MYCBP2: variants seen among roughly 807,000 people sequenced by gnomAD.
MYCBP2 encodes the protein MYC binding protein 2, also known as E3 ubiquitin-protein ligase MYCBP2.
MYCBP2 carries 120 observed loss-of-function variants against 525.3 expected under a neutral mutation model. The observed-to-expected ratio is 0.23, with a 90% CI of 0.20 to 0.27. The LOEUF is 0.27. MYCBP2 is among the 10% of genes least tolerant of loss of function. The pLI is 1.00. For missense variants in MYCBP2, 4,149 were observed against 5,657.1 expected (o/e 0.73, Z 8.55); for synonymous variants, 1,894 against 1,955.8 (o/e 0.97, Z 0.83).
intron 46 of MYCBP2, among the ~76,000 whole-genome samples, chr13:77,152,820 C>T (rs1053893133): frequency 1.3e-5 from 2 of 152,162 alleles, no homozygotes; most frequent in Non-Finnish European, 2.9e-5. Context: ...AATCCCAGCA[C>T]TTTTGGAGTC....
chr13:77,255,829 G>C (rs2072087432), intron 14 of MYCBP2, among the ~76,000 whole-genome samples: 1 of 152,062 alleles, frequency 6.6e-6, no homozygotes, highest in Non-Finnish European at 1.5e-5. Context: ...ACCAGGTTTT[G>C]TTAATTTATA....
At chr13:77,093,614 T>C (rs550671919) in intron 58 of MYCBP2, among the ~76,000 whole-genome samples, 1 of 152,140 alleles carries the variant, frequency 6.6e-6, no homozygotes, top group Non-Finnish European at 1.5e-5. Flanking sequence ...CCACCAACCA[T>C]CCAGTTGCTT....
chr13:77,087,670 A>G (rs2044564631), intron 61 of MYCBP2, 37 bp from the exon 62 acceptor site: 1 of 1,571,390 alleles, frequency 6.4e-7, no homozygotes, highest in African/African-American at 1.4e-5. Flanking sequence ...CAAGAATAAA[A>G]TACATGAGTT....
At position 77,224,443 on chromosome 13, in the gene MYCBP2, G is replaced by T; in HGVS notation, c.2939+8C>A. 1 of 1,571,434 alleles carries T rather than the reference G, an allele frequency of 6.4e-7. No homozygotes were observed. Among genetic ancestry groups the T allele is most frequent in the South Asian group, 1.2e-5 (1 of 86,128 alleles). Reference sequence around the variant, plus strand: ...CTCTGGATCTTCAAATGAAAAGTTAGCAAGTACCTGGAGTTGACATCTCCA... The same window carrying T: ...CTCTGGATCTTCAAATGAAAAGTTATCAAGTACCTGGAGTTGACATCTCCA... On this transcript the variant is annotated splice_region_variant and intron_variant, in intron 20 of 82. Transcript: ENST00000544440.
rs540650567 is a variant in MYCBP2 at position 77,320,777 on chromosome 13, T to C, written c.302+5697A>G. Among the ~76,000 whole-genome samples, 24 of 152,302 alleles carry C rather than the reference T, an allele frequency of 1.6e-4. No homozygotes were observed. In the East Asian group the frequency reaches 4.2e-3, roughly 27 times the overall value. Reference sequence around the variant, plus strand: ...CCAGCGCCATATACAATATTCTTGCTAAAAAATTTTCTAATGAACACCTAA... The same window carrying C: ...CCAGCGCCATATACAATATTCTTGCCAAAAAATTTTCTAATGAACACCTAA... On this transcript the variant is annotated intron_variant, in intron 1 of 82. Transcript: ENST00000544440.
At chr13:77,315,386 T>C (rs931503345) in intron 1 of MYCBP2, among the ~76,000 whole-genome samples, 2 of 152,202 alleles carry the variant, frequency 1.3e-5, no homozygotes, top group African/African-American at 4.8e-5. Context: ...ATATCCCTCA[T>C]GAATATAAAC....
rs921136809 is a variant in MYCBP2, at chr13:77,227,197, T to C, written c.2738-1643A>G. Among the ~76,000 whole-genome samples, 5 of 152,090 alleles carry C rather than the reference T, an allele frequency of 3.3e-5. No homozygotes were observed. The East Asian group carries it at 9.6e-4, about 29-fold the overall frequency. On this transcript the variant is annotated intron_variant, in intron 18 of 82. Transcript: ENST00000544440. ...GAAGAAATTATTTTGAATTTTTTAC[T>C]CAAAAAAGATCACAAATACTGCATC...
chr13:77,117,948 C>T (rs1038907751), intron 55 of MYCBP2, among the ~76,000 whole-genome samples: 1 of 152,038 alleles, frequency 6.6e-6, no homozygotes, highest in African/African-American at 2.4e-5. Flanking sequence ...ACCGGGAAAA[C>T]TAAATTGTCA....
At chr13:77,245,739 A>C (rs1450718338) in intron 15 of MYCBP2, among the ~76,000 whole-genome samples, 2 of 75,188 alleles carry the variant, frequency 2.7e-5, no homozygotes, top group Non-Finnish European at 5.2e-5. Flanking sequence ...CCCAGAACGT[A>C]AAGTAACACA....
At position 77,164,555 on chromosome 13, in the gene MYCBP2, T is replaced by C. The variant is rs201467354; in HGVS notation, c.6460-14A>G. On this transcript the variant is annotated splice_polypyrimidine_tract_variant and intron_variant, in intron 42 of 82. Coordinates refer to ENST00000544440, the MANE Select transcript of MYCBP2 (RefSeq NM_015057.5). The stretch of plus-strand genomic sequence containing the variant: ...TTGGATGACTCCCTATGGAATTGCA[T>C]AAAATTTGCTGCTTTAAAAATGTTT... 146 of 1,517,140 alleles carry C rather than the reference T, an allele frequency of 9.6e-5. No individual in the cohort carries two copies. The highest frequency in any genetic ancestry group is 3.4e-4 in the Middle Eastern group (2 of 5,882). The allele number at this position is 1,517,140 out of a possible 1,614,324, so 94.0% of individuals were successfully genotyped here.
chr13:77,165,351 A>G lies in MYCBP2; in HGVS notation c.6381T>C (p.Tyr2127=). The G allele has an allele frequency of 6.2e-7, 1 of 1,612,112 alleles. No homozygotes were observed. The highest frequency in any genetic ancestry group is 8.5e-7 in the Non-Finnish European group (1 of 1,179,302). Residue 2127 remains tyrosine, a synonymous_variant, in exon 42 of 83, where the codon TAT becomes TAC. Coordinates refer to ENST00000544440, the MANE Select transcript of MYCBP2 (RefSeq NM_015057.5). ...AGAAAGAAGCTTTGTCATCTTTCAC[A>G]TAATCTGATGCAGTCTCCAATGAAA... ...ALFSLETASD[Y]VKDDKASFYG...
At chr13:77,084,758 TA>T (rs1215169041) in intron 62 of MYCBP2, among the ~76,000 whole-genome samples, 1 of 152,118 alleles carries the variant, frequency 6.6e-6, no homozygotes, top group Admixed American at 6.6e-5. Context: ...TTTCCACTGC[TA>T]GATCCTCCAG....
intron 3 of MYCBP2, among the ~76,000 whole-genome samples, chr13:77,280,469 A>G (rs2076075201): frequency 2.0e-5 from 3 of 152,238 alleles, no homozygotes; most frequent in Admixed American, 2.0e-4. Context: ...ATGGGGCTCT[A>G]TTCTCAAGCC....
chr13:77,249,035 T>G (rs2070629584), intron 15 of MYCBP2, among the ~76,000 whole-genome samples: 1 of 152,218 alleles, frequency 6.6e-6, no homozygotes, highest in South Asian at 2.1e-4. Flanking sequence ...ACTCTGATTC[T>G]CTTTATATGA....
chr13:77,309,067 G>T (rs184800297), intron 1 of MYCBP2, among the ~76,000 whole-genome samples: 1 of 152,176 alleles, frequency 6.6e-6, no homozygotes, highest in Admixed American at 6.5e-5. Flanking sequence ...TCTCCTACAG[G>T]TTATCTAATC....
chr13:77,273,423 TG>T (rs1361529987), intron 5 of MYCBP2, 48 bp downstream of exon 5: 4 of 1,481,158 alleles, frequency 2.7e-6, no homozygotes, highest in Non-Finnish European at 3.6e-6. Flanking sequence ...GAGACGAAAC[TG>T]TAACTTGTCA....
At position 77,205,255 on chromosome 13, in the gene MYCBP2, C is replaced by T; in HGVS notation, c.3843+1G>A. 2 of 1,578,678 alleles carry T rather than the reference C, an allele frequency of 1.3e-6. No homozygotes were observed. The highest frequency in any genetic ancestry group is 1.7e-6 in the Non-Finnish European group (2 of 1,160,674). ...AGGACAACATTGTTGATGAACTTTA[C>T]CTTAATTTTAGCAGTATATTCTCCT... is the stretch of plus-strand genomic sequence containing the variant. On this transcript the variant is annotated splice_donor_variant, in intron 26 of 82. Coordinates refer to ENST00000544440, the MANE Select transcript of MYCBP2 (RefSeq NM_015057.5). LOFTEE classifies it high-confidence loss of function.
chr13:77,261,103 T>C, intron 12 of MYCBP2, 68 bp downstream of exon 12: 1 of 1,283,170 alleles, frequency 7.8e-7, no homozygotes, highest in East Asian at 2.6e-5. Context: ...TTTATCTTAA[T>C]AAAGTTTTAT....
chr13:77,113,293 T>C (rs2049149223), intron 55 of MYCBP2, among the ~76,000 whole-genome samples: 1 of 152,176 alleles, frequency 6.6e-6, no homozygotes, highest in Non-Finnish European at 1.5e-5. Context: ...TTTCCTATGT[T>C]TCCATTGCAT....
Sources: gnomAD v4.1 joint callset for allele counts (sites outside exome capture counted in the v4.1 genomes callset) on GRCh38, gnomAD v4.1.1 for gene constraint, MANE v1.5 for transcripts, NCBI Gene and HGNC (gene_info 2026-07-23, HGNC 2026-07-21) for gene names.